The following ABCB5 variants were observed in gnomAD, a reference collection of about 807,000 sequenced individuals.
ABCB5 encodes ATP-binding cassette sub-family B member 5.
A neutral mutation model predicts 144.2 loss-of-function variants in ABCB5; 155 were observed. That is an observed-to-expected ratio of 1.08 (90% CI 0.94 to 1.23). ABCB5 has a LOEUF of 1.23. Among genes scored for constraint, ABCB5 ranks in the 50% most tolerant of loss-of-function variants. The pLI, the probability that ABCB5 is intolerant of heterozygous loss-of-function variation, is 0.00. For synonymous variants in ABCB5, 610 were observed against 528.6 expected, an observed-to-expected ratio of 1.15 and a Z score of -2.11; for missense variants, 1,830 against 1,520.8, an observed-to-expected ratio of 1.20 and a Z score of -3.38.
At chr7:20,724,283 A>T (rs955713638) in intron 21 of ABCB5, among the ~76,000 whole-genome samples, 5 of 151,406 alleles carry the variant, frequency 3.3e-5, no homozygotes, top group African/African-American at 1.2e-4. Context: ...TCTGTTTTTC[A>T]CGACAGCCCT....
chr7:20,623,102 G>A (rs1783834473), intron 1 of ABCB5, among the ~76,000 whole-genome samples, 163 bp from the exon 2 acceptor site: 1 of 152,082 alleles, frequency 6.6e-6, no homozygotes, highest in South Asian at 2.1e-4. Context: ...TCTATGAACT[G>A]CCTAGCCAGA....
intron 23 of ABCB5, among the ~76,000 whole-genome samples, chr7:20,733,679 C>G (rs1286016928): frequency 6.6e-6 from 1 of 151,362 alleles, no homozygotes; most frequent in African/African-American, 2.4e-5. Flanking sequence ...CGCTCTGTCG[C>G]CCATGCTGGA....
In ABCB5 at chr7:20,667,352, AAAG is replaced by A. The variant is rs1487062684; in HGVS notation, c.1707+8680_1707+8682del. ...CTGTGAAGTGAATCCCCTGTGAAGAAAAGAAGGTCTCTAACAATATAAACCTGT... is the reference window on the plus strand; with the variant it reads ...CTGTGAAGTGAATCCCCTGTGAAGAAAAGGTCTCTAACAATATAAACCTGT... On this transcript the variant is annotated intron_variant, in intron 14 of 27. Transcript: ENST00000404938. 10 of 985,140 alleles carry A rather than the reference AAAG, an allele frequency of 1.0e-5. No homozygotes were observed. The East Asian group carries it at 5.6e-4, about 55-fold the overall frequency. The allele number at this position is 985,140 out of a possible 1,614,324, so 61.0% of individuals were successfully genotyped here.
intron 26 of ABCB5, among the ~76,000 whole-genome samples, chr7:20,752,492 C>G (rs1048847242): frequency 6.6e-6 from 1 of 152,216 alleles, no homozygotes; most frequent in Non-Finnish European, 1.5e-5. Flanking sequence ...TAAGAAAACA[C>G]TGTGAAGTGC....
chr7:20,727,504 G>A (rs1414480606), intron 22 of ABCB5, among the ~76,000 whole-genome samples: 2 of 152,210 alleles, frequency 1.3e-5, no homozygotes, highest in Non-Finnish European at 2.9e-5. Context: ...GGAGGCTGAG[G>A]TGGGCGGATC....
At chr7:20,651,723 G>T (rs1428527085) in intron 13 of ABCB5, 100 bp downstream of exon 13, 2 of 1,271,842 alleles carry the variant, frequency 1.6e-6, no homozygotes, top group Non-Finnish European at 2.2e-6. Context: ...AATAGTAGGG[G>T]TGTGATTAAA....
rs372212038 is a variant in ABCB5 at position 20,700,507 on chromosome 7, A to G, written c.2337+372A>G. On this transcript the variant is annotated intron_variant, in intron 19 of 27. Transcript: ENST00000404938. ...GAATGTATCTGAAAAGAAGTTGTTA[A>G]TTTCTGTGGTTCTAATTCATGTGCA... is the stretch of plus-strand genomic sequence containing the variant. Among the ~76,000 whole-genome samples the G allele has an allele frequency of 7.7e-4, 118 of 152,298 alleles. 2 individuals carry two copies. The South Asian group carries it at 0.024, about 31-fold the overall frequency.
At chr7:20,729,842 A>G (rs1266121944) in intron 23 of ABCB5, among the ~76,000 whole-genome samples, 1 of 152,206 alleles carries the variant, frequency 6.6e-6, no homozygotes, top group East Asian at 1.9e-4. Context: ...ATTTGGCAGA[A>G]CACACTGGGC....
At chr7:20,730,370 A>G (rs1452705655) in intron 23 of ABCB5, among the ~76,000 whole-genome samples, 1 of 152,198 alleles carries the variant, frequency 6.6e-6, no homozygotes, top group East Asian at 1.9e-4. Context: ...TTAGCCATGT[A>G]TGGCGGTGCA....
chr7:20,714,599 C>G (rs962270810), intron 20 of ABCB5, among the ~76,000 whole-genome samples: 2 of 152,064 alleles, frequency 1.3e-5, no homozygotes, highest in African/African-American at 4.8e-5. Flanking sequence ...CACCGAAAAG[C>G]AGGGTTTGTG....
chr7:20,683,762 T>TA (rs1785901446), intron 15 of ABCB5, among the ~76,000 whole-genome samples: 1 of 152,194 alleles, frequency 6.6e-6, no homozygotes, highest in Admixed American at 6.5e-5. Flanking sequence ...GTAACATACA[T>TA]AATATCTACA....
At chr7:20,741,796 A>T (rs1260632175) in intron 24 of ABCB5, among the ~76,000 whole-genome samples, 1 of 152,182 alleles carries the variant, frequency 6.6e-6, no homozygotes, top group East Asian at 1.9e-4. Flanking sequence ...ACATGCACAC[A>T]CACACACAAA....
chr7:20,715,337 C>T (rs939799762), intron 20 of ABCB5, among the ~76,000 whole-genome samples: 31 of 152,106 alleles, frequency 2.0e-4, no homozygotes, highest in Admixed American at 8.5e-4. Flanking sequence ...TGAGCCGCCG[C>T]GCATGGCCTC....
chr7:20,755,305 G>T (rs1783053522), intron 27 of ABCB5, 122 bp from the exon 28 acceptor site: 2 of 781,006 alleles, frequency 2.6e-6, no homozygotes, highest in Non-Finnish European at 4.1e-6. Context: ...AAGTAGGGCA[G>T]TTCCTTTGGG....
At position 20,700,102 on chromosome 7, in the gene ABCB5, A is replaced by G; in HGVS notation, c.2304A>G (p.Leu768=). The part of the protein sequence containing the change: ...GRAGEILTMR[L]RHLAFKAMLY... ...CAGGGGAAATTTTAACGATGAGATT[A>G]AGACACTTGGCCTTCAAAGCCATGT... is the stretch of plus-strand genomic sequence containing the variant. Residue 768 remains leucine, a synonymous_variant, in exon 19 of 28, where the codon TTA becomes TTG. Transcript: ENST00000404938. The G allele has an allele frequency of 1.2e-6, 2 of 1,613,480 alleles. No homozygotes were observed. Among genetic ancestry groups the G allele is most frequent in the Non-Finnish European group, 1.7e-6 (2 of 1,179,706 alleles).
intron 23 of ABCB5, among the ~76,000 whole-genome samples, chr7:20,735,046 C>T (rs1333888815): frequency 1.3e-5 from 2 of 152,174 alleles, no homozygotes; most frequent in Non-Finnish European, 2.9e-5. Flanking sequence ...CCTTCCTTTC[C>T]CCACTGCAAA....
At chr7:20,682,578 G>A (rs765619597) in intron 15 of ABCB5, among the ~76,000 whole-genome samples, 5 of 152,170 alleles carry the variant, frequency 3.3e-5, no homozygotes, top group Admixed American at 1.3e-4. Flanking sequence ...TGAGTGTTGA[G>A]GGTATAATGG....
intron 5 of ABCB5, among the ~76,000 whole-genome samples, chr7:20,634,132 T>C (rs550724254): frequency 6.6e-6 from 1 of 151,950 alleles, no homozygotes; most frequent in South Asian, 2.1e-4. Flanking sequence ...TTTGACTGTT[T>C]CTGAGTTATT....
rs1787075001 is a variant in ABCB5 at position 20,711,858 on chromosome 7, T to TCCC, written c.2421+7051_2421+7052insCCC. ...TTTCTTTCTTTCTTTTCTTTCTTTCTTTCCTTCCTCCCTCCCTCCCTCCCT... is the reference window on the plus strand; with the variant it reads ...TTTCTTTCTTTCTTTTCTTTCTTTCTCCCTTCCTTCCTCCCTCCCTCCCTCCCT... On this transcript the variant is annotated intron_variant, in intron 20 of 27. Transcript: ENST00000404938. Among the ~76,000 whole-genome samples, 12 of 72,838 alleles carry TCCC rather than the reference T, an allele frequency of 1.6e-4. 2 individuals carry two copies. The highest frequency in any genetic ancestry group is 7.3e-4 in the African/African-American group (12 of 16,382). The allele number at this position is 72,838 out of a possible 152,430, so 47.8% of individuals were successfully genotyped here.
Sources: gnomAD v4.1 joint callset for allele counts (sites outside exome capture counted in the v4.1 genomes callset) on GRCh38, gnomAD v4.1.1 for gene constraint, MANE v1.5 for transcripts, NCBI Gene and HGNC (gene_info 2026-07-23, HGNC 2026-07-21) for gene names.